PAK1: variants seen among roughly 807,000 people sequenced by gnomAD.
PAK1 encodes p21 (RAC1) activated kinase 1.
A neutral mutation model predicts 67.4 loss-of-function variants in PAK1; 29 were observed. The observed-to-expected ratio is 0.43, with a 90% CI of 0.32 to 0.59. The LOEUF (loss-of-function observed/expected upper bound fraction) is 0.59, where lower values mean the gene tolerates loss of function less well. PAK1 is among the 20% of genes least tolerant of loss of function. PAK1 has a pLI of 0.07. For synonymous variants in PAK1, 223 were observed against 237.4 expected (o/e 0.94, Z 0.56); for missense variants, 337 against 670.7 (o/e 0.50, Z 5.50).
intron 1 of PAK1, among the ~76,000 whole-genome samples, chr11:77,403,065 C>A (rs1019157759): frequency 1.3e-5 from 2 of 152,210 alleles, no homozygotes; most frequent in Non-Finnish European, 2.9e-5. Context: ...GAAGAAGAGG[C>A]TTCTCTACAA....
the PAK1 span, among the ~76,000 whole-genome samples, chr11:77,486,632 A>G: frequency 3.3e-5 from 5 of 152,100 alleles, no homozygotes; most frequent in Non-Finnish European, 7.4e-5. Flanking sequence ...TGTTTGGGGG[A>G]GGGAAAGCAC....
At chr11:77,492,859 G>T in the PAK1 span, among the ~76,000 whole-genome samples, 1 of 152,056 alleles carries the variant, frequency 6.6e-6, no homozygotes, top group Non-Finnish European at 1.5e-5. Flanking sequence ...CCCTGCTTTT[G>T]ATCCTGCTCT....
At chr11:77,502,003 CT>C in the PAK1 span, among the ~76,000 whole-genome samples, 25,775 of 151,962 alleles carry the variant, frequency 0.17, 2,790 homozygotes, top group South Asian at 0.33. Flanking sequence ...CTGCTGACAC[CT>C]GTGCCTGCTG....
chr11:77,433,093 A>T (rs2138343606), intron 1 of PAK1, among the ~76,000 whole-genome samples: 1 of 152,340 alleles, frequency 6.6e-6, no homozygotes, highest in East Asian at 1.9e-4. Context: ...TGCAACGAAG[A>T]AAGAATAGTC....
the PAK1 span, among the ~76,000 whole-genome samples, chr11:77,493,135 T>A: frequency 3.9e-5 from 6 of 152,222 alleles, no homozygotes; most frequent in Admixed American, 6.5e-5. Context: ...GCTAATTTTT[T>A]AAAAATTGTG....
intron 14 of PAK1, among the ~76,000 whole-genome samples, chr11:77,324,882 A>G (rs1344565321): frequency 1.3e-5 from 2 of 152,220 alleles, no homozygotes; most frequent in Non-Finnish European, 2.9e-5. Flanking sequence ...GGACAGAGAT[A>G]GTATAAAGAG....
chr11:77,490,298 A>G, the PAK1 span, among the ~76,000 whole-genome samples: 154 of 79,742 alleles, frequency 1.9e-3, 3 homozygotes, highest in Middle Eastern at 9.3e-3. Context: ...CAGCCCCCCC[A>G]CCCGGCCAGC....
intron 1 of PAK1, among the ~76,000 whole-genome samples, chr11:77,444,299 A>C (rs1956495985): frequency 1.3e-5 from 2 of 151,448 alleles, no homozygotes; most frequent in African/African-American, 4.9e-5. Context: ...AAAAAAAAAA[A>C]AAAAAACCCG....
intron 1 of PAK1, among the ~76,000 whole-genome samples, chr11:77,460,930 A>G (rs1957316538): frequency 6.6e-6 from 1 of 152,236 alleles, no homozygotes; most frequent in South Asian, 2.1e-4. Context: ...ACTGAAGACA[A>G]TTCTGAGGAA....
chr11:77,358,241 T>G (rs780321304), intron 6 of PAK1, among the ~76,000 whole-genome samples: 2 of 151,886 alleles, frequency 1.3e-5, no homozygotes. Context: ...AAAGAAACAC[T>G]AGTAGAGTAT....
At chr11:77,512,337 C>A in the PAK1 span, among the ~76,000 whole-genome samples, 1 of 152,192 alleles carries the variant, frequency 6.6e-6, no homozygotes, top group South Asian at 2.1e-4. Flanking sequence ...CCACCCCCAC[C>A]CTCTTCTCCT....
At chr11:77,331,725 T>C (rs1319630829) in intron 14 of PAK1, among the ~76,000 whole-genome samples, 1 of 151,042 alleles carries the variant, frequency 6.6e-6, no homozygotes, top group African/African-American at 2.4e-5. Flanking sequence ...ACATGGTACA[T>C]GTATACATAT....
intron 4 of PAK1, 62 bp from the exon 5 acceptor site, chr11:77,374,427 A>G: frequency 9.4e-7 from 1 of 1,066,460 alleles, no homozygotes; most frequent in Non-Finnish European, 1.5e-6. Context: ...TTTTCTGGAC[A>G]GCAAAAGAAG....
chr11:77,327,387 A>G (rs1000121872), intron 14 of PAK1, among the ~76,000 whole-genome samples: 1 of 152,252 alleles, frequency 6.6e-6, no homozygotes, highest in Non-Finnish European at 1.5e-5. Context: ...CCAGAGAGAA[A>G]GGTCGGGTTA....
chr11:77,359,592 T>C (rs979513401), intron 5 of PAK1, among the ~76,000 whole-genome samples: 1 of 152,150 alleles, frequency 6.6e-6, no homozygotes, highest in Non-Finnish European at 1.5e-5. Context: ...GATCATGTTA[T>C]CTAAAGAGAA....
chr11:77,387,275 G>A lies in PAK1; in HGVS notation c.190+5056C>T, dbSNP rs571544963. Among the ~76,000 whole-genome samples, 10 of 152,120 alleles carry A rather than the reference G, an allele frequency of 6.6e-5. No individual in the cohort carries two copies. In the South Asian group the frequency reaches 1.7e-3, roughly 25 times the overall value. ...TTTAGTAGAGACAGGGTTTTGCCAT[G>A]TTGGCCAGGCTGGTCTAGAACTCCT... On this transcript the variant is annotated intron_variant, in intron 2 of 14. Coordinates refer to ENST00000356341, the MANE Select transcript of PAK1 (RefSeq NM_002576.5).
intron 1 of PAK1, among the ~76,000 whole-genome samples, chr11:77,437,785 C>T (rs1592473388): frequency 6.6e-6 from 1 of 152,156 alleles, no homozygotes; most frequent in Admixed American, 6.5e-5. Context: ...CTCCTCTGAA[C>T]TCTTTAAGAG....
chr11:77,334,023 G>A (rs1258823814), intron 13 of PAK1, among the ~76,000 whole-genome samples: 5 of 151,706 alleles, frequency 3.3e-5, no homozygotes, highest in African/African-American at 1.2e-4. Flanking sequence ...ACAAAACTTA[G>A]CTGGGCATGG....
intron 13 of PAK1, among the ~76,000 whole-genome samples, chr11:77,335,746 T>C (rs1325911472): frequency 6.6e-6 from 1 of 152,224 alleles, no homozygotes; most frequent in Non-Finnish European, 1.5e-5. Context: ...CTTCCCTCTC[T>C]ACTCTAAAAT....
Sources: gnomAD v4.1 joint callset for allele counts (sites outside exome capture counted in the v4.1 genomes callset) on GRCh38, gnomAD v4.1.1 for gene constraint, MANE v1.5 for transcripts, NCBI Gene and HGNC (gene_info 2026-07-23, HGNC 2026-07-21) for gene names.